KCNN2: variants seen among roughly 807,000 people sequenced by gnomAD.
The protein encoded by KCNN2 is small conductance calcium-activated potassium channel protein 2.
Under a neutral mutation model 55.5 loss-of-function variants are expected in KCNN2, and 24 were observed. The observed-to-expected ratio is 0.43, with a 90% CI of 0.31 to 0.61. KCNN2 has a LOEUF of 0.61. KCNN2 is among the 20% of genes least tolerant of loss of function. The probability of loss-of-function intolerance (pLI) is 0.08; values close to 1 mark genes in which losing one functional copy is unlikely to be tolerated. For missense variants in KCNN2, 754 were observed against 853.6 expected (o/e 0.88, Z 1.45); for synonymous variants, 431 against 336.1 (o/e 1.28, Z -3.09).
At chr5:114,141,606 C>G (rs1752282436) in intron 1 of KCNN2, among the ~76,000 whole-genome samples, 2 of 152,062 alleles carry the variant, frequency 1.3e-5, no homozygotes, top group African/African-American at 4.8e-5. Flanking sequence ...GTGAATGTTT[C>G]TTTATAGCAG....
chr5:114,375,403 A>G (rs1209205235), intron 2 of KCNN2, among the ~76,000 whole-genome samples: 1 of 152,142 alleles, frequency 6.6e-6, no homozygotes, highest in African/African-American at 2.4e-5. Context: ...TATTGACTGA[A>G]AACTTTGTTT....
chr5:114,320,032 T>C (rs975457430), intron 2 of KCNN2, among the ~76,000 whole-genome samples: 1 of 152,218 alleles, frequency 6.6e-6, no homozygotes. Flanking sequence ...TGTTTACCCA[T>C]TGTTACTCCA....
At chr5:114,138,849 C>T (rs1752220350) in intron 1 of KCNN2, among the ~76,000 whole-genome samples, 1 of 152,094 alleles carries the variant, frequency 6.6e-6, no homozygotes, top group African/African-American at 2.4e-5. Flanking sequence ...TTAGAAGCTA[C>T]CAATTTTCAG....
intron 1 of KCNN2, among the ~76,000 whole-genome samples, chr5:114,170,105 C>T (rs1044092194): frequency 3.3e-5 from 5 of 152,034 alleles, no homozygotes; most frequent in Non-Finnish European, 7.4e-5. Context: ...TTATCAAAAA[C>T]TGTTGCTAGG....
At chr5:114,358,800 A>G (rs2150042890), upstream of KCNN2, among the ~76,000 whole-genome samples, 1 of 152,352 alleles carries the variant, frequency 6.6e-6, no homozygotes, top group Non-Finnish European at 1.5e-5. Context: ...TGTTACATGT[A>G]TCTCTACAGT....
chr5:114,377,666 T>C lies in KCNN2; in HGVS notation c.1218+13665T>C, dbSNP rs150024825. 3.6e-3 allele frequency among the ~76,000 whole-genome samples: 545 copies of C among 152,262 alleles called. 5 individuals carry two copies. Among genetic ancestry groups the C allele is most frequent in the African/African-American group, 0.013 (523 of 41,546 alleles). ...CTCTGGAAAGCAGCCCAGATGTCAGTGAAGAACTTTGGCTCTGGATCCAGA... is the reference window on the plus strand; with the variant it reads ...CTCTGGAAAGCAGCCCAGATGTCAGCGAAGAACTTTGGCTCTGGATCCAGA... On this transcript the variant is annotated intron_variant, in intron 2 of 7. Transcript: ENST00000673685.
At position 114,485,146 on chromosome 5, in the gene KCNN2, T is replaced by C. The variant is rs142502806; in HGVS notation, c.1891-1904T>C. Reference sequence around the variant, plus strand: ...TTGAAATCAAGTGCTATGTTCTACATTGAGGATTGCTATGTTCCATTGCTG... The same window carrying C: ...TTGAAATCAAGTGCTATGTTCTACACTGAGGATTGCTATGTTCCATTGCTG... On this transcript the variant is annotated intron_variant, in intron 5 of 7. Transcript: ENST00000673685. Among the ~76,000 whole-genome samples, 10 of 152,312 alleles carry C rather than the reference T, an allele frequency of 6.6e-5. No homozygotes were observed. In the East Asian group the frequency reaches 9.7e-4, roughly 15 times the overall value.
intron 1 of KCNN2, among the ~76,000 whole-genome samples, chr5:114,070,609 G>C (rs1750548667): frequency 6.6e-6 from 1 of 152,170 alleles, no homozygotes; most frequent in African/African-American, 2.4e-5. Context: ...AGAAACGTGT[G>C]TTGCCAGTGC....
chr5:114,396,583 C>G (rs558785738), intron 2 of KCNN2, among the ~76,000 whole-genome samples: 1 of 147,014 alleles, frequency 6.8e-6, no homozygotes, highest in African/African-American at 2.5e-5. Flanking sequence ...GAGTCTTGCT[C>G]TGTTGCCCAG....
intron 3 of KCNN2, among the ~76,000 whole-genome samples, chr5:114,456,804 C>T (rs1169728904): frequency 6.6e-6 from 1 of 152,084 alleles, no homozygotes; most frequent in Non-Finnish European, 1.5e-5. Context: ...ATGGAAATAG[C>T]AAGATAACTA....
intron 2 of KCNN2, among the ~76,000 whole-genome samples, chr5:114,342,204 A>C (rs988214073): frequency 1.6e-5 from 2 of 123,146 alleles, no homozygotes; most frequent in Non-Finnish European, 3.5e-5. Flanking sequence ...CCCGGCCCAT[A>C]ATTTTTTTTT....
At chr5:114,140,321 C>G (rs1752250996) in intron 1 of KCNN2, among the ~76,000 whole-genome samples, 2 of 152,208 alleles carry the variant, frequency 1.3e-5, no homozygotes, top group South Asian at 4.1e-4. Context: ...TACTGGCCTG[C>G]CAGCCTCTGA....
intron 1 of KCNN2, among the ~76,000 whole-genome samples, chr5:114,099,647 T>C (rs1224803492): frequency 6.6e-6 from 1 of 152,054 alleles, no homozygotes; most frequent in African/African-American, 2.4e-5. Context: ...TGACTTAGAG[T>C]CTTTTCACTT....
chr5:114,467,293 ACT>A (rs779630493), intron 4 of KCNN2, among the ~76,000 whole-genome samples: 25 of 152,078 alleles, frequency 1.6e-4, no homozygotes, highest in East Asian at 7.7e-4. Flanking sequence ...TTCCTGTAAC[ACT>A]CTCTGTTTCC....
rs553288810 is a variant in KCNN2, at chr5:114,159,839, C to T, written c.-270-61641C>T. Among the ~76,000 whole-genome samples the T allele has an allele frequency of 1.0e-3, 153 of 152,148 alleles. 1 individual carries two copies. The highest frequency in any genetic ancestry group is 3.5e-3 in the African/African-American group (145 of 41,522). ...ATGGTAGTTTGTATTTCTGTGAGAT[C>T]GGTGGTGACATCCCCTTTGTCATTT... On this transcript the variant is annotated intron_variant, in intron 1 of 10. Coordinates refer to the KCNN2 transcript ENST00000512097.
chr5:114,157,335 T>G (rs989127592), intron 1 of KCNN2, among the ~76,000 whole-genome samples: 10 of 152,134 alleles, frequency 6.6e-5, no homozygotes, highest in Non-Finnish European at 1.2e-4. Flanking sequence ...GGACATGAAC[T>G]CATCATTTTT....
chr5:114,279,046 C>T (rs1448192205), intron 2 of KCNN2, among the ~76,000 whole-genome samples: 1 of 151,868 alleles, frequency 6.6e-6, no homozygotes, highest in Non-Finnish European at 1.5e-5. Context: ...ATTGCATTGG[C>T]CCAAACTTTC....
At chr5:114,363,809 T>G in intron 1 of KCNN2, 97 bp from the exon 2 acceptor site, 1 of 807,676 alleles carries the variant, frequency 1.2e-6, no homozygotes, top group Non-Finnish European at 2.1e-6. Context: ...TTCTGTGAGT[T>G]CAGGTCCACC....
intron 1 of KCNN2, among the ~76,000 whole-genome samples, chr5:114,202,280 C>T (rs1003236642): frequency 6.6e-6 from 1 of 151,926 alleles, no homozygotes; most frequent in African/African-American, 2.4e-5. Context: ...ATCTAGTGGG[C>T]TGAGGGTTTC....
Sources: allele counts gnomAD v4.1 joint callset (sites outside exome capture counted in the v4.1 genomes callset), GRCh38; gene constraint gnomAD v4.1.1; transcripts MANE v1.5; gene names NCBI Gene and HGNC (gene_info 2026-07-23, HGNC 2026-07-21).